Variants in CNTNAP2 observed in about 807,000 individuals in gnomAD.
CNTNAP2 encodes contactin associated protein 2, also known as contactin-associated protein-like 2.
In CNTNAP2, 98 loss-of-function variants were observed where a neutral mutation model predicts 155.2. The ratio of observed to expected loss-of-function variants is 0.63; its 90% CI spans 0.54 to 0.75. The LOEUF is 0.75. Among genes scored for constraint, CNTNAP2 ranks in the 30% least tolerant of loss-of-function variants. CNTNAP2 has a pLI of 0.00. For synonymous variants in CNTNAP2, 651 were observed against 631.2 expected, an observed-to-expected ratio of 1.03 and a Z score of -0.47; for missense variants, 1,727 against 1,688.1, an observed-to-expected ratio of 1.02 and a Z score of -0.40.
At chr7:146,375,855 A>T (rs916020415) in intron 1 of CNTNAP2, among the ~76,000 whole-genome samples, 1 of 152,186 alleles carries the variant, frequency 6.6e-6, no homozygotes, top group Admixed American at 6.5e-5. Flanking sequence ...ACTCTTATGT[A>T]AATTCCCTTA....
intron 9 of CNTNAP2, among the ~76,000 whole-genome samples, chr7:147,354,777 G>GT (rs1331152460): frequency 6.6e-6 from 1 of 152,106 alleles, no homozygotes; most frequent in Non-Finnish European, 1.5e-5. Flanking sequence ...AGCATGGACT[G>GT]TTTTTCCATT....
chr7:146,459,221 C>T (rs1796601604), intron 1 of CNTNAP2, among the ~76,000 whole-genome samples: 1 of 152,004 alleles, frequency 6.6e-6, no homozygotes, highest in South Asian at 2.1e-4. Context: ...AAAATTTGTC[C>T]CATGGATGCT....
chr7:148,343,901 C>T (rs1798276698), intron 21 of CNTNAP2, among the ~76,000 whole-genome samples: 1 of 152,136 alleles, frequency 6.6e-6, no homozygotes, highest in Non-Finnish European at 1.5e-5. Context: ...ATGGGGACCA[C>T]TTGAGGTTAG....
At chr7:147,725,652 A>AT (rs1287151350) in intron 13 of CNTNAP2, among the ~76,000 whole-genome samples, 1 of 152,002 alleles carries the variant, frequency 6.6e-6, no homozygotes, top group African/African-American at 2.4e-5. Flanking sequence ...TGTGAACGTG[A>AT]TTTCCCCCAA....
chr7:146,138,367 G>A (rs996468508), intron 1 of CNTNAP2, among the ~76,000 whole-genome samples: 1 of 152,050 alleles, frequency 6.6e-6, no homozygotes, highest in Admixed American at 6.6e-5. Context: ...TTAATTACTT[G>A]AGTGTTGGTA....
At chr7:147,284,560 A>G (rs1405489145) in intron 8 of CNTNAP2, among the ~76,000 whole-genome samples, 1 of 151,954 alleles carries the variant, frequency 6.6e-6, no homozygotes, top group African/African-American at 2.4e-5. Context: ...GGATAAAAAT[A>G]TTACATTTTA....
chr7:147,926,531 T>C (rs746282230), intron 14 of CNTNAP2, among the ~76,000 whole-genome samples: 17 of 152,238 alleles, frequency 1.1e-4, no homozygotes, highest in Non-Finnish European at 2.5e-4. Context: ...AAAGTCAACA[T>C]CTTTTTACTT....
At chr7:146,186,398 G>C (rs187696283) in intron 1 of CNTNAP2, among the ~76,000 whole-genome samples, 1 of 151,882 alleles carries the variant, frequency 6.6e-6, no homozygotes, top group Non-Finnish European at 1.5e-5. Context: ...AGAATTATAC[G>C]CTTTAAATTT....
At chr7:146,250,238 T>C (rs1799734924) in intron 1 of CNTNAP2, among the ~76,000 whole-genome samples, 1 of 152,210 alleles carries the variant, frequency 6.6e-6, no homozygotes, top group Non-Finnish European at 1.5e-5. Flanking sequence ...TAATTGACTT[T>C]AAATATGTAG....
At chr7:146,287,117 T>G (rs1462441303) in intron 1 of CNTNAP2, among the ~76,000 whole-genome samples, 1 of 152,178 alleles carries the variant, frequency 6.6e-6, no homozygotes, top group African/African-American at 2.4e-5. Context: ...GACAGGGACA[T>G]TTCTGTTGTT....
At chr7:146,751,634 G>C (rs1214967973) in intron 1 of CNTNAP2, among the ~76,000 whole-genome samples, 1 of 151,916 alleles carries the variant, frequency 6.6e-6, no homozygotes, top group Non-Finnish European at 1.5e-5. Flanking sequence ...TTTACTCTAA[G>C]TTCTGGGATA....
chr7:146,308,845 G>T (rs1345965827), intron 1 of CNTNAP2, among the ~76,000 whole-genome samples: 1 of 152,056 alleles, frequency 6.6e-6, no homozygotes, highest in African/African-American at 2.4e-5. Flanking sequence ...GGAGACGGGG[G>T]AGGGATAGCA....
intron 13 of CNTNAP2, among the ~76,000 whole-genome samples, chr7:147,680,621 A>G (rs1291912263): frequency 6.6e-6 from 1 of 151,860 alleles, no homozygotes; most frequent in Non-Finnish European, 1.5e-5. Context: ...AAGTATTTCA[A>G]TACCTGAACT....
chr7:147,211,774 C>T (rs1803151471), intron 8 of CNTNAP2, among the ~76,000 whole-genome samples: 1 of 152,014 alleles, frequency 6.6e-6, no homozygotes, highest in African/African-American at 2.4e-5. Flanking sequence ...TCCTCAAACA[C>T]AATTGCAACA....
chr7:147,305,121 T>A lies in CNTNAP2; in HGVS notation c.1498+4831T>A, dbSNP rs372986482. On this transcript the variant is annotated intron_variant, in intron 9 of 23. Transcript: ENST00000361727. ...CACAGGGGCTCGGGGTTTCAATATG[T>A]GAATTTTGAGGGACACAAACATATA... 1.4e-4 allele frequency among the ~76,000 whole-genome samples: 21 copies of A among 152,250 alleles called. No homozygotes were observed. The East Asian group carries it at 4.1e-3, about 29-fold the overall frequency.
At chr7:148,366,840 A>C (rs568751006) in intron 21 of CNTNAP2, among the ~76,000 whole-genome samples, 5 of 152,168 alleles carry the variant, frequency 3.3e-5, no homozygotes, top group African/African-American at 1.2e-4. Context: ...AAAAAAGGCA[A>C]CTTCAGGCCC....
intron 6 of CNTNAP2, chr7:147,122,264 C>T (rs7806761): frequency 0.82 from 124,887 of 152,052 alleles, 51,775 homozygotes; most frequent in Non-Finnish European, 0.88. Flanking sequence ...AGCAGCAGAA[C>T]GGTAAGATAA....
At chr7:146,388,225 G>A (rs1465382101) in intron 1 of CNTNAP2, among the ~76,000 whole-genome samples, 1 of 151,790 alleles carries the variant, frequency 6.6e-6, no homozygotes, top group Non-Finnish European at 1.5e-5. Flanking sequence ...GAGCCCAGGA[G>A]TTTGAGACCA....
At chr7:147,167,558 A>C in intron 8 of CNTNAP2, 1 of 811,582 alleles carries the variant, frequency 1.2e-6, no homozygotes, top group Non-Finnish European at 2.0e-6. Context: ...CTGCTCTCCC[A>C]GATGACGATG....
Sources: allele counts gnomAD v4.1 joint callset (sites outside exome capture counted in the v4.1 genomes callset), GRCh38; gene constraint gnomAD v4.1.1; transcripts MANE v1.5; gene names NCBI Gene and HGNC (gene_info 2026-07-23, HGNC 2026-07-21).